PDZD2: variants seen among roughly 807,000 people sequenced by gnomAD.
PDZD2 encodes PDZ domain-containing protein 2.
A neutral mutation model predicts 220.7 loss-of-function variants in PDZD2; 90 were observed. That is an observed-to-expected ratio of 0.41 (90% CI 0.34 to 0.49). The LOEUF (loss-of-function observed/expected upper bound fraction) is 0.49, where lower values mean the gene tolerates loss of function less well. Ranked by LOEUF, PDZD2 falls within the 20% of genes least tolerant of loss-of-function variation. The probability of loss-of-function intolerance (pLI) is 0.28; values close to 1 mark genes in which losing one functional copy is unlikely to be tolerated. For missense variants in PDZD2, 3,174 were observed against 3,608.5 expected, an observed-to-expected ratio of 0.88 and a Z score of 3.08; for synonymous variants, 1,375 against 1,450.5, an observed-to-expected ratio of 0.95 and a Z score of 1.18.
At chr5:31,975,389 A>T (rs181259633) in intron 2 of PDZD2, among the ~76,000 whole-genome samples, 98 of 152,316 alleles carry the variant, frequency 6.4e-4, no homozygotes, top group Non-Finnish European at 1.2e-3. Flanking sequence ...GGAAACACCC[A>T]CTGCTATGAT....
chr5:31,930,379 TAG>T (rs1745170995), intron 2 of PDZD2, among the ~76,000 whole-genome samples: 1 of 151,826 alleles, frequency 6.6e-6, no homozygotes, highest in Non-Finnish European at 1.5e-5. Flanking sequence ...GTATTTTTAG[TAG>T]AGTTTCATGG....
chr5:32,093,275 C>T (rs890176199), intron 21 of PDZD2, among the ~76,000 whole-genome samples: 2 of 152,194 alleles, frequency 1.3e-5, no homozygotes, highest in African/African-American at 4.8e-5. Flanking sequence ...CCCCAAGTAG[C>T]AACTAGTTAC....
chr5:32,046,565 C>A (rs896667878), intron 7 of PDZD2, among the ~76,000 whole-genome samples: 1 of 151,732 alleles, frequency 6.6e-6, no homozygotes, highest in African/African-American at 2.4e-5. Flanking sequence ...ATAGAAGTAT[C>A]TTTAAAAGAA....
rs151061332 is a variant in PDZD2 at position 31,668,213 on chromosome 5, C to T, written c.-361+28776C>T. On this transcript the variant is annotated intron_variant, in intron 1 of 24. Coordinates refer to ENST00000438447, the MANE Select transcript of PDZD2 (RefSeq NM_178140.4). Reference sequence around the variant, plus strand: ...GAATGCGTGCAGAGATGGAGGTCTGCTTTCCAATCTTACAGGAATTTGCTT... The same window carrying T: ...GAATGCGTGCAGAGATGGAGGTCTGTTTTCCAATCTTACAGGAATTTGCTT... 4.1e-4 allele frequency among the ~76,000 whole-genome samples: 62 copies of T among 152,248 alleles called. No individual in the cohort carries two copies. The East Asian group carries it at 0.012, about 28-fold the overall frequency.
chr5:31,720,994 A>G (rs1035482156), intron 1 of PDZD2, among the ~76,000 whole-genome samples: 1 of 152,116 alleles, frequency 6.6e-6, no homozygotes, highest in Non-Finnish European at 1.5e-5. Context: ...GTGGGGGAAA[A>G]CGAGAGAGGC....
rs1490268442 is a variant in PDZD2, at chr5:32,088,353, C to T, written c.4905C>T (p.Tyr1635=). The change falls in exon 20 of 25, where the codon TAC becomes TAT. Residue 1635 remains tyrosine (Y), a synonymous_variant. Coordinates refer to ENST00000438447, the MANE Select transcript of PDZD2 (RefSeq NM_178140.4). This position sits in a 1 kb window ranked among gnomAD's most constrained non-coding sequence, Gnocchi z 4.6. ...CAGCCAAAGTTCTGTCATTAAAATA[C>T]AGCACTCCGAGAGAGTCGGTGGCCA... The part of the protein sequence containing the change: ...PASAKVLSLK[Y]STPRESVASP... The T allele has an allele frequency of 3.7e-6, 6 of 1,613,992 alleles. No homozygotes were observed. The African/African-American group carries it at 5.3e-5, about 14-fold the overall frequency.
At chr5:31,940,573 G>A (rs980059388) in intron 2 of PDZD2, among the ~76,000 whole-genome samples, 2 of 152,218 alleles carry the variant, frequency 1.3e-5, no homozygotes, top group Admixed American at 6.5e-5. Context: ...ATTGGTAGAA[G>A]AGAAGGATCA....
intron 2 of PDZD2, among the ~76,000 whole-genome samples, chr5:31,939,159 G>A (rs1186780397): frequency 3.9e-5 from 6 of 152,156 alleles, no homozygotes; most frequent in Admixed American, 6.5e-5. Context: ...GCGCCTGTAC[G>A]CTTGATGAGC....
chr5:31,856,908 CTA>C (rs61675053), intron 2 of PDZD2, among the ~76,000 whole-genome samples: 10,648 of 140,456 alleles, frequency 0.076, 389 homozygotes, highest in African/African-American at 0.084. Context: ...CTTATCAAAA[CTA>C]TATATATATA....
intron 1 of PDZD2, among the ~76,000 whole-genome samples, chr5:31,681,874 A>G (rs1746662243): frequency 6.6e-6 from 1 of 152,118 alleles, no homozygotes; most frequent in Non-Finnish European, 1.5e-5. Flanking sequence ...AGTTTCTCCT[A>G]AGAAAGGAAT....
chr5:31,912,785 G>A (rs982344918), intron 2 of PDZD2, among the ~76,000 whole-genome samples: 2 of 152,184 alleles, frequency 1.3e-5, no homozygotes, highest in African/African-American at 4.8e-5. Flanking sequence ...AGTGGAGGAA[G>A]GCTTTCTTCT....
chr5:31,840,484 A>T, intron 2 of PDZD2: 1 of 302,110 alleles, frequency 3.3e-6, no homozygotes, highest in Non-Finnish European at 6.1e-6. Flanking sequence ...TTTTTTTAAC[A>T]GTAGCTATTT....
At chr5:31,864,086 G>A (rs1737975652) in intron 2 of PDZD2, among the ~76,000 whole-genome samples, 1 of 152,184 alleles carries the variant, frequency 6.6e-6, no homozygotes, top group South Asian at 2.1e-4. Context: ...CAGCCAATGG[G>A]AGGCACTGGC....
intron 2 of PDZD2, among the ~76,000 whole-genome samples, chr5:31,831,989 T>C (rs946698727): frequency 6.7e-6 from 1 of 148,566 alleles, no homozygotes; most frequent in East Asian, 2.0e-4. Context: ...TGGGCAAAGA[T>C]AAGTGACTCA....
At chr5:31,710,523 G>A (rs1207789308) in intron 1 of PDZD2, among the ~76,000 whole-genome samples, 1 of 152,070 alleles carries the variant, frequency 6.6e-6, no homozygotes, top group Non-Finnish European at 1.5e-5. Flanking sequence ...TCATCTATAA[G>A]GAATAGAGAT....
intron 6 of PDZD2, among the ~76,000 whole-genome samples, chr5:32,014,310 G>A (rs561077913): frequency 4.7e-4 from 72 of 152,272 alleles, no homozygotes; most frequent in South Asian, 1.2e-3. Flanking sequence ...GATCTGCCAT[G>A]CGTCCCCTTA....
intron 1 of PDZD2, among the ~76,000 whole-genome samples, chr5:31,719,234 C>T (rs1748637093): frequency 6.6e-6 from 1 of 152,094 alleles, no homozygotes; most frequent in Non-Finnish European, 1.5e-5. Flanking sequence ...AATGTTGAGT[C>T]ATTGGATTCC....
chr5:31,908,558 G>T (rs1239797939), intron 2 of PDZD2: 22 of 978,460 alleles, frequency 2.2e-5, no homozygotes, highest in Non-Finnish European at 3.2e-6. Flanking sequence ...GTAATGGCTG[G>T]TGTTGATACT....
rs1744847375 is a variant in PDZD2 at position 31,639,375 on chromosome 5, C to G, written c.-423C>G. On this transcript the variant is annotated 5_prime_UTR_variant, in exon 1 of 25. Coordinates refer to ENST00000438447, the MANE Select transcript of PDZD2 (RefSeq NM_178140.4). This position sits in a 1 kb window ranked among gnomAD's most constrained non-coding sequence, Gnocchi z 4.1. ...TGGCGGCAGCTGCGCGGGGACCCGC[C>G]GGGCGGCGCCTGGGTCTGGACGCGC... is the stretch of plus-strand genomic sequence containing the variant. 1 of 150,664 alleles carries G rather than the reference C, an allele frequency of 6.6e-6. No homozygotes were observed. The highest frequency in any genetic ancestry group is 2.1e-4 in the South Asian group (1 of 4,826). The allele number at this position is 150,664 out of a possible 1,614,324, so 9.3% of individuals were successfully genotyped here.
Sources: gnomAD v4.1 joint callset for allele counts (sites outside exome capture counted in the v4.1 genomes callset) on GRCh38, gnomAD v4.1.1 for gene constraint, Gnocchi (gnomAD v3.1) non-coding constraint, MANE v1.5 for transcripts, NCBI Gene and HGNC (gene_info 2026-07-23, HGNC 2026-07-21) for gene names.